FAR2: variants seen among roughly 807,000 people sequenced by gnomAD.
The protein encoded by FAR2 is fatty acyl-CoA reductase 2, also known as epididymis secretory protein Li 81.
In FAR2, 19 loss-of-function variants were observed where a neutral mutation model predicts 56.0. The ratio of observed to expected loss-of-function variants is 0.34; its 90% confidence interval spans 0.24 to 0.50. The LOEUF is 0.50. FAR2 is among the 20% of genes least tolerant of loss of function. The pLI, the probability that FAR2 is intolerant of heterozygous loss-of-function variation, is 0.98. For synonymous variants in FAR2, 219 were observed against 218.8 expected, an observed-to-expected ratio of 1.00 and a Z score of -0.01; for missense variants, 508 against 642.2, an observed-to-expected ratio of 0.79 and a Z score of 2.26.
At chr12:29,282,506 C>T (rs1233893398) in intron 2 of FAR2, 1 of 152,170 alleles carries the variant, frequency 6.6e-6, no homozygotes. Flanking sequence ...AGCAATACAT[C>T]TCTCCAGTCA....
intron 1 of FAR2, among the ~76,000 whole-genome samples, chr12:29,213,616 G>C (rs1010875500): frequency 2.0e-5 from 3 of 151,306 alleles, no homozygotes; most frequent in Non-Finnish European, 2.9e-5. Context: ...CTTGAATCCG[G>C]GAGACGGAGG....
chr12:29,304,134 C>T (rs1342492383), intron 4 of FAR2, among the ~76,000 whole-genome samples: 1 of 152,204 alleles, frequency 6.6e-6, no homozygotes, highest in Non-Finnish European at 1.5e-5. Flanking sequence ...AATTTTGCTT[C>T]CTGCTCTAAA....
intron 1 of FAR2, among the ~76,000 whole-genome samples, chr12:29,215,582 A>T (rs982277490): frequency 6.6e-6 from 1 of 152,204 alleles, no homozygotes; most frequent in African/African-American, 2.4e-5. Flanking sequence ...CAAATCTGTT[A>T]TCAATATGCA....
chr12:29,219,901 C>T (rs1376033732), intron 1 of FAR2, among the ~76,000 whole-genome samples: 1 of 152,112 alleles, frequency 6.6e-6, no homozygotes, highest in Non-Finnish European at 1.5e-5. Context: ...GAGAAACATT[C>T]AAGCCAGATT....
chr12:29,330,741 C>T (rs1283251816), intron 10 of FAR2, among the ~76,000 whole-genome samples: 2 of 152,024 alleles, frequency 1.3e-5, no homozygotes, highest in African/African-American at 2.4e-5. Flanking sequence ...CTCAGAAAAT[C>T]GTGTAGCCAT....
At chr12:29,214,310 A>G (rs1201785072) in intron 1 of FAR2, among the ~76,000 whole-genome samples, 1 of 152,210 alleles carries the variant, frequency 6.6e-6, no homozygotes, top group Non-Finnish European at 1.5e-5. Context: ...GGAGCACATT[A>G]CACACTCTAA....
intron 2 of FAR2, among the ~76,000 whole-genome samples, chr12:29,275,359 T>A (rs896503182): frequency 2.6e-5 from 4 of 152,026 alleles, no homozygotes; most frequent in African/African-American, 4.8e-5. Flanking sequence ...CCATTTTCAC[T>A]TCTTTTGTGG....
chr12:29,297,303 T>G (rs1949088047), intron 4 of FAR2, 103 bp downstream of exon 4: 1 of 1,138,670 alleles, frequency 8.8e-7, no homozygotes. Flanking sequence ...CAAACACTTT[T>G]GAAGCAAAAT....
intron 1 of FAR2, among the ~76,000 whole-genome samples, chr12:29,206,185 C>T (rs997924785): frequency 6.6e-6 from 1 of 152,212 alleles, no homozygotes; most frequent in East Asian, 1.9e-4. Flanking sequence ...CAGAATTGAA[C>T]CAAGCAGCTT....
chr12:29,151,018 G>T lies in FAR2; in HGVS notation c.-39+1611G>T, dbSNP rs78515867. Among the ~76,000 whole-genome samples the T allele has an allele frequency of 6.1e-4, 93 of 152,254 alleles. No homozygotes were observed. The East Asian group carries it at 0.016, about 27-fold the overall frequency. The stretch of plus-strand genomic sequence containing the variant: ...AATAAATAAAATGGCTTATATTAGG[G>T]TATCACTTTGGGGTTTATAAAGCAT... On this transcript the variant is annotated intron_variant, in intron 1 of 11. Transcript: ENST00000536681.
chr12:29,265,676 A>T (rs1948503446), intron 1 of FAR2, among the ~76,000 whole-genome samples: 3 of 152,204 alleles, frequency 2.0e-5, no homozygotes, highest in Admixed American at 2.0e-4. Context: ...TGGGATTACA[A>T]GTTTAAATGC....
intron 1 of FAR2, among the ~76,000 whole-genome samples, chr12:29,242,804 T>G (rs530122892): frequency 6.6e-6 from 1 of 152,326 alleles, no homozygotes; most frequent in African/African-American, 2.4e-5. Context: ...TACTAGTTAA[T>G]AGGATAACTT....
intron 2 of FAR2, among the ~76,000 whole-genome samples, chr12:29,273,615 C>G (rs1394912941): frequency 6.6e-6 from 1 of 152,164 alleles, no homozygotes; most frequent in Non-Finnish European, 1.5e-5. Flanking sequence ...GTGCTGGCTG[C>G]TGCCCCTCCC....
intron 1 of FAR2, among the ~76,000 whole-genome samples, chr12:29,157,612 A>C (rs1949740759): frequency 6.6e-6 from 1 of 152,206 alleles, no homozygotes; most frequent in African/African-American, 2.4e-5. Context: ...AGGAGGCAAG[A>C]ATAATATTTC....
At chr12:29,280,321 C>T (rs945844150) in intron 2 of FAR2, 10 of 152,228 alleles carry the variant, frequency 6.6e-5, no homozygotes, top group South Asian at 2.1e-4. Flanking sequence ...TTGCCTGTAA[C>T]AGTTTCACAC....
chr12:29,173,706 C>G (rs1163105403), intron 1 of FAR2, among the ~76,000 whole-genome samples: 1 of 152,048 alleles, frequency 6.6e-6, no homozygotes, highest in Admixed American at 6.5e-5. Flanking sequence ...CTGAGTGTTT[C>G]CCACCTGAAA....
chr12:29,210,528 T>A (rs765521488), intron 1 of FAR2, among the ~76,000 whole-genome samples: 2 of 152,236 alleles, frequency 1.3e-5, no homozygotes, highest in Non-Finnish European at 2.9e-5. Context: ...TTTATGTATA[T>A]AAAAACAGTA....
chr12:29,179,277 A>G (rs946831780), intron 1 of FAR2, among the ~76,000 whole-genome samples: 5 of 152,210 alleles, frequency 3.3e-5, no homozygotes, highest in African/African-American at 1.2e-4. Context: ...CCTGATGTCA[A>G]TATTCAGAAA....
At chr12:29,240,860 C>T (rs1352133047) in intron 1 of FAR2, among the ~76,000 whole-genome samples, 1 of 152,002 alleles carries the variant, frequency 6.6e-6, no homozygotes, top group Non-Finnish European at 1.5e-5. Context: ...GGCTAGAGTG[C>T]AGTGACACGA....
Sources: allele counts gnomAD v4.1 joint callset (sites outside exome capture counted in the v4.1 genomes callset), GRCh38; gene constraint gnomAD v4.1.1; transcripts MANE v1.5; gene names NCBI Gene and HGNC (gene_info 2026-07-23, HGNC 2026-07-21).